The following CDH13 variants were observed in gnomAD, a reference collection of about 807,000 sequenced individuals.
CDH13 encodes cadherin-13.
CDH13 carries 24 observed loss-of-function variants against 63.8 expected under a neutral mutation model. The ratio of observed to expected loss-of-function variants is 0.38; its 90% CI spans 0.27 to 0.53. CDH13 has a LOEUF of 0.53. Ranked by LOEUF, CDH13 falls within the 20% of genes least tolerant of loss-of-function variation. The pLI, the probability that CDH13 is intolerant of heterozygous loss-of-function variation, is 0.85. For missense variants in CDH13, 1,049 were observed against 903.1 expected (o/e 1.16, Z -2.07); for synonymous variants, 503 against 355.3 (o/e 1.42, Z -4.67).
rs139128402 is a variant in CDH13, at chr16:83,423,007, T to A, written c.782-63470T>A. Among the ~76,000 whole-genome samples the A allele has an allele frequency of 2.4e-3, 359 of 152,336 alleles. 1 individual carries two copies. The highest frequency in any genetic ancestry group is 8.5e-3 in the African/African-American group (353 of 41,590). On this transcript the variant is annotated intron_variant, in intron 6 of 13. Transcript: ENST00000567109. ...GTAAATTAGACATGCAAGATTTACG[T>A]TCCAGAAAGCTTCATTTTTGTGTTC...
intron 2 of CDH13, among the ~76,000 whole-genome samples, chr16:82,861,911 G>A (rs1304911603): frequency 6.6e-6 from 1 of 152,168 alleles, no homozygotes; most frequent in Non-Finnish European, 1.5e-5. Flanking sequence ...GGAAACTTGG[G>A]TAAAACTTCC....
intron 1 of CDH13, among the ~76,000 whole-genome samples, chr16:82,698,339 T>C (rs1349610246): frequency 6.6e-6 from 1 of 152,260 alleles, no homozygotes; most frequent in Non-Finnish European, 1.5e-5. Flanking sequence ...CAAAGAACTC[T>C]ATCTCCTGGG....
rs139518966 is a variant in CDH13, at chr16:83,617,615, AT to A, written c.1101+15022del. ...TCTATTCTAATATGTACATATCTTA[AT>A]ATGCACATATTCTAATATATATTTC... On this transcript the variant is annotated intron_variant, in intron 8 of 13. Coordinates refer to ENST00000567109, the MANE Select transcript of CDH13 (RefSeq NM_001257.5). Among the ~76,000 whole-genome samples, 83 of 151,424 alleles carry A rather than the reference AT, an allele frequency of 5.5e-4. 1 individual carries two copies. The highest frequency in any genetic ancestry group is 1.9e-3 in the African/African-American group (79 of 41,372).
intron 1 of CDH13, among the ~76,000 whole-genome samples, chr16:82,746,922 G>A (rs1237237353): frequency 2.6e-5 from 4 of 152,152 alleles, no homozygotes; most frequent in Admixed American, 6.6e-5. Context: ...GATTAGAGCA[G>A]CCCTGTTTCT....
intron 6 of CDH13, among the ~76,000 whole-genome samples, chr16:83,427,477 G>A (rs539809711): frequency 1.3e-5 from 2 of 152,208 alleles, no homozygotes; most frequent in South Asian, 4.2e-4. Context: ...CCTCCTGAAG[G>A]TACCAGCCCC....
intron 7 of CDH13, among the ~76,000 whole-genome samples, chr16:83,518,062 G>T (rs1278442719): frequency 6.6e-6 from 1 of 152,168 alleles, no homozygotes; most frequent in African/African-American, 2.4e-5. Context: ...GGAGGGACCT[G>T]GTGGGAGGTA....
intron 6 of CDH13, among the ~76,000 whole-genome samples, chr16:83,380,830 G>C (rs1023822074): frequency 5.1e-4 from 67 of 131,108 alleles, no homozygotes; most frequent in African/African-American, 2.1e-3. Context: ...CATTACCCAA[G>C]GTTTTTTTTT....
intron 2 of CDH13, among the ~76,000 whole-genome samples, chr16:82,974,164 C>T (rs1437837783): frequency 6.6e-6 from 1 of 152,154 alleles, no homozygotes. Flanking sequence ...ATTTTGAACT[C>T]CTGACCTCAA....
intron 2 of CDH13, among the ~76,000 whole-genome samples, chr16:82,933,431 C>A (rs891450655): frequency 6.6e-6 from 1 of 152,124 alleles, no homozygotes; most frequent in Non-Finnish European, 1.5e-5. Context: ...TCCCCCAACA[C>A]GTGGGGATTA....
At chr16:82,820,743 T>C (rs2037965491) in intron 1 of CDH13, among the ~76,000 whole-genome samples, 1 of 152,258 alleles carries the variant, frequency 6.6e-6, no homozygotes, top group Admixed American at 6.5e-5. Context: ...CTAAGGATTT[T>C]GGTCTGAAAA....
intron 1 of CDH13, among the ~76,000 whole-genome samples, chr16:82,774,797 G>A (rs1457409204): frequency 6.6e-6 from 1 of 152,176 alleles, no homozygotes; most frequent in East Asian, 1.9e-4. Context: ...TCCTTCATGA[G>A]AAGCCCCCTG....
intron 4 of CDH13, among the ~76,000 whole-genome samples, chr16:83,204,687 G>A (rs1386893482): frequency 6.6e-6 from 1 of 152,158 alleles, no homozygotes; most frequent in Non-Finnish European, 1.5e-5. Flanking sequence ...ATCAGGATAG[G>A]TTAGGCTTTG....
At chr16:82,905,750 C>G (rs1487188314) in intron 2 of CDH13, among the ~76,000 whole-genome samples, 1 of 152,094 alleles carries the variant, frequency 6.6e-6, no homozygotes, top group African/African-American at 2.4e-5. Flanking sequence ...ATAAATTATT[C>G]ACATATTTGA....
intron 1 of CDH13, among the ~76,000 whole-genome samples, chr16:82,849,080 C>T (rs1357446759): frequency 1.3e-5 from 2 of 152,152 alleles, no homozygotes; most frequent in South Asian, 2.1e-4. Flanking sequence ...AAGCCTAATC[C>T]TGAGCAAGGC....
chr16:83,763,353 C>A (rs1383092017), intron 11 of CDH13, among the ~76,000 whole-genome samples: 2 of 152,162 alleles, frequency 1.3e-5, no homozygotes, highest in Non-Finnish European at 2.9e-5. Flanking sequence ...GATAGATGTT[C>A]CAATAATGCC....
At chr16:82,841,235 A>C (rs1597767085) in intron 1 of CDH13, among the ~76,000 whole-genome samples, 1 of 152,200 alleles carries the variant, frequency 6.6e-6, no homozygotes, top group East Asian at 1.9e-4. Flanking sequence ...CTGCAAGCTA[A>C]AGGCCATCTA....
At position 83,464,743 on chromosome 16, in the gene CDH13, G is replaced by GA. The variant is rs1207256951; in HGVS notation, c.782-21730dup. 1.6e-4 allele frequency among the ~76,000 whole-genome samples: 24 copies of GA among 152,206 alleles called. No homozygotes were observed. In the East Asian group the frequency reaches 4.7e-3, roughly 30 times the overall value. ...AACCTCATTTTAACTAATTACATCC[G>GA]AAAAGACACATTCTGAGATTCTGGG... is the stretch of plus-strand genomic sequence containing the variant. On this transcript the variant is annotated intron_variant, in intron 6 of 13. Transcript: ENST00000567109.
chr16:83,328,487 G>A (rs916348698), intron 5 of CDH13, among the ~76,000 whole-genome samples: 3 of 152,188 alleles, frequency 2.0e-5, no homozygotes, highest in South Asian at 2.1e-4. Flanking sequence ...TTGGAAAGCA[G>A]AATACTGAAA....
At chr16:82,949,282 C>T (rs1174282627) in intron 2 of CDH13, among the ~76,000 whole-genome samples, 2 of 152,170 alleles carry the variant, frequency 1.3e-5, no homozygotes, top group Non-Finnish European at 2.9e-5. Flanking sequence ...TGGCTTGTAG[C>T]TGAATCACTG....
Sources: allele counts gnomAD v4.1 joint callset (sites outside exome capture counted in the v4.1 genomes callset), GRCh38; gene constraint gnomAD v4.1.1; transcripts MANE v1.5; gene names NCBI Gene and HGNC (gene_info 2026-07-23, HGNC 2026-07-21).